UBLCP1: variants seen among roughly 807,000 people sequenced by gnomAD.
UBLCP1 encodes the protein ubiquitin-like domain-containing CTD phosphatase 1.
UBLCP1 carries 28 observed loss-of-function variants against 42.4 expected under a neutral mutation model. That is an observed-to-expected ratio of 0.66 (90% CI 0.49 to 0.90). UBLCP1 has a LOEUF of 0.90. UBLCP1 is among the 40% of genes least tolerant of loss of function. UBLCP1 has a pLI of 0.00. For synonymous variants in UBLCP1, 122 were observed against 120.8 expected (o/e 1.01, Z -0.07); for missense variants, 279 against 374.5 (o/e 0.75, Z 2.10).
intron 8 of UBLCP1, among the ~76,000 whole-genome samples, chr5:159,276,035 C>T (rs923066454): frequency 1.3e-5 from 2 of 152,178 alleles, no homozygotes; most frequent in African/African-American, 4.8e-5. Flanking sequence ...AGTAACTACT[C>T]ATACTATTAA....
chr5:159,273,111 G>A (rs1192306289), intron 6 of UBLCP1, among the ~76,000 whole-genome samples: 3 of 152,070 alleles, frequency 2.0e-5, no homozygotes, highest in Non-Finnish European at 2.9e-5. Context: ...GAGTACTTCC[G>A]TTGTTTGTGA....
At chr5:159,265,235 T>C (rs1753375702) in intron 1 of UBLCP1, among the ~76,000 whole-genome samples, 1 of 152,244 alleles carries the variant, frequency 6.6e-6, no homozygotes, top group Admixed American at 6.5e-5. Flanking sequence ...GTTTTTAAAT[T>C]ATTTTTGGAA....
At chr5:159,266,037 T>G (rs1435438104) in intron 1 of UBLCP1, among the ~76,000 whole-genome samples, 2 of 152,096 alleles carry the variant, frequency 1.3e-5, no homozygotes, top group African/African-American at 2.4e-5. Context: ...TTGGTACTAG[T>G]AGAGTGGGGC....
intron 3 of UBLCP1, 36 bp downstream of exon 3, chr5:159,270,035 G>T: frequency 6.5e-7 from 1 of 1,535,538 alleles, no homozygotes; most frequent in African/African-American, 1.4e-5. Context: ...TTGTCCATTT[G>T]AAGATATTAT....
At chr5:159,280,177 G>A (rs1057366751) in intron 9 of UBLCP1, among the ~76,000 whole-genome samples, 3 of 152,120 alleles carry the variant, frequency 2.0e-5, no homozygotes, top group Admixed American at 6.6e-5. Flanking sequence ...CTGTCCTTGT[G>A]TGTCTTTTAT....
chr5:159,272,861 C>T (rs1222817516), intron 6 of UBLCP1, among the ~76,000 whole-genome samples: 1 of 152,142 alleles, frequency 6.6e-6, no homozygotes, highest in African/African-American at 2.4e-5. Flanking sequence ...GTTCAATTAA[C>T]GTTTTTTGGT....
At chr5:159,274,769 A>C (rs1753512806) in intron 7 of UBLCP1, 147 bp downstream of exon 7, 6 of 699,498 alleles carry the variant, frequency 8.6e-6, no homozygotes, top group Admixed American at 3.1e-5. Flanking sequence ...GTGTTTTTAA[A>C]GTGTGTTTAA....
Position 159,285,512 on chromosome 5 carries a change from T to TA in UBLCP1, c.*582dup, listed in dbSNP as rs1753667745. The stretch of plus-strand genomic sequence containing the variant: ...AATTTCTCTTCTGTATGCCACTAGT[T>TA]ACATTTCTAAATTCTGAGCGGTCTC... On this transcript the variant is annotated 3_prime_UTR_variant, in exon 11 of 11. Transcript: ENST00000296786. The TA allele has an allele frequency of 6.5e-6, 1 of 153,032 alleles. No homozygotes were observed. 9.5% of individuals were successfully genotyped at this position (153,032 alleles called of 1,614,324 possible).
rs1157370333 is a variant in UBLCP1 at position 159,284,900 on chromosome 5, G to A, written c.930-4G>A. ...CTTTGACATCTTTATTTTATTTCTT[G>A]CAGATATCTCTCAAAGAAGCAAGGA... On this transcript the variant is annotated splice_polypyrimidine_tract_variant and splice_region_variant and intron_variant, in intron 10 of 10. Transcript: ENST00000296786. The A allele has an allele frequency of 6.2e-7, 1 of 1,612,544 alleles. No homozygotes were observed. The highest frequency in any genetic ancestry group is 8.5e-7 in the Non-Finnish European group (1 of 1,179,286).
intron 1 of UBLCP1, 56 bp from the exon 2 acceptor site, chr5:159,268,814 T>A: frequency 7.7e-7 from 1 of 1,299,712 alleles, no homozygotes; most frequent in Admixed American, 2.6e-5. Flanking sequence ...ACTTAAAAGT[T>A]TGGCTTCAAT....
At position 159,269,044 on chromosome 5, in the gene UBLCP1, A is replaced by C; in HGVS notation, c.129A>C (p.Gln43His). The change falls in exon 2 of 11, where the codon CAA becomes CAC. Residue 43 changes from glutamine to histidine, a missense_variant. By Grantham distance (24) the Gln-to-His change is conservative. Coordinates refer to ENST00000296786, the MANE Select transcript of UBLCP1 (RefSeq NM_145049.5). ...KTLTGVLPER[Q>H]KLLGLKVKGK... ...TTACAGGAGTTCTTCCAGAACGCCA[A>C]AAGTTACTTGGACTCAAAGTTAAAG... The C allele has an allele frequency of 6.3e-7, 1 of 1,590,688 alleles. No individual in the cohort carries two copies. Among genetic ancestry groups the C allele is most frequent in the Non-Finnish European group, 8.5e-7 (1 of 1,171,808 alleles).
chr5:159,273,668 T>C (rs1421320286), intron 6 of UBLCP1, among the ~76,000 whole-genome samples: 1 of 152,150 alleles, frequency 6.6e-6, no homozygotes, highest in Non-Finnish European at 1.5e-5. Flanking sequence ...GGATTAAAAT[T>C]TTTTTCTATC....
chr5:159,279,384 A>G (rs1452909564), intron 9 of UBLCP1, among the ~76,000 whole-genome samples: 1 of 152,224 alleles, frequency 6.6e-6, no homozygotes, highest in Non-Finnish European at 1.5e-5. Context: ...ATAGTTGATT[A>G]CATGTTGGCG....
rs190216619 is a variant in UBLCP1, at chr5:159,274,174, T to C, written c.548-411T>C. On this transcript the variant is annotated intron_variant, in intron 6 of 10. Coordinates refer to ENST00000296786, the MANE Select transcript of UBLCP1 (RefSeq NM_145049.5). ...AACATAAACTTTTGACACATAACAA[T>C]ATGCTTATATTGACACTATGTATAC... 4.2e-4 allele frequency among the ~76,000 whole-genome samples: 64 copies of C among 152,278 alleles called. 1 individual carries two copies. The highest frequency in any genetic ancestry group is 3.4e-3 in the Middle Eastern group (1 of 294).
intron 1 of UBLCP1, among the ~76,000 whole-genome samples, chr5:159,264,418 T>C (rs1017981274): frequency 2.0e-5 from 3 of 152,252 alleles, no homozygotes; most frequent in African/African-American, 7.2e-5. Flanking sequence ...TTCATTGGTG[T>C]GAACGGTCTT....
chr5:159,273,717 A>T (rs1248022479), intron 6 of UBLCP1, among the ~76,000 whole-genome samples: 1 of 152,108 alleles, frequency 6.6e-6, no homozygotes, highest in Non-Finnish European at 1.5e-5. Context: ...AGTCTTTAAA[A>T]TTTTAGCTCA....
intron 8 of UBLCP1, among the ~76,000 whole-genome samples, chr5:159,276,616 C>T (rs1351435572): frequency 1.3e-5 from 2 of 152,142 alleles, no homozygotes; most frequent in African/African-American, 4.8e-5. Flanking sequence ...ATATAAATTA[C>T]TGCTACCCAT....
rs768120892 is a variant in UBLCP1 at position 159,274,607 on chromosome 5, T to C, written c.570T>C (p.Ile190=). The C allele has an allele frequency of 6.2e-7, 1 of 1,611,642 alleles. No individual in the cohort carries two copies. The highest frequency in any genetic ancestry group is 2.2e-5 in the East Asian group (1 of 44,668). ...VIWSATNMKW[I]EAKMKELGVS... is the part of the protein sequence containing the mutation. ...TAGCTGCAACAAATATGAAGTGGATTGAAGCTAAAATGAAAGTAAGTGTTA... is the reference window on the plus strand; with the variant it reads ...TAGCTGCAACAAATATGAAGTGGATCGAAGCTAAAATGAAAGTAAGTGTTA... Residue 190 remains isoleucine (I), a synonymous_variant, in exon 7 of 11, where the codon ATT becomes ATC. Coordinates refer to ENST00000296786, the MANE Select transcript of UBLCP1 (RefSeq NM_145049.5).
chr5:159,273,453 T>A (rs1237315156), intron 6 of UBLCP1, among the ~76,000 whole-genome samples: 1 of 152,198 alleles, frequency 6.6e-6, no homozygotes, highest in Non-Finnish European at 1.5e-5. Flanking sequence ...ACTGGACAGG[T>A]CACTTAATCT....
Sources: allele counts gnomAD v4.1 joint callset (sites outside exome capture counted in the v4.1 genomes callset), GRCh38; gene constraint gnomAD v4.1.1; transcripts MANE v1.5; gene names NCBI Gene and HGNC (gene_info 2026-07-23, HGNC 2026-07-21).